The following DCK variants were observed in gnomAD, a reference collection of about 807,000 sequenced individuals.
The protein encoded by DCK is deoxycytidine kinase.
DCK carries 23 observed loss-of-function variants against 38.3 expected under a neutral mutation model. The ratio of observed to expected loss-of-function variants is 0.60; its 90% CI spans 0.43 to 0.85. The LOEUF (loss-of-function observed/expected upper bound fraction) is 0.85. DCK is among the 40% of genes least tolerant of loss of function. The pLI is 0.00. For missense variants in DCK, 259 were observed against 304.4 expected (o/e 0.85, Z 1.11); for synonymous variants, 108 against 100.6 (o/e 1.07, Z -0.44).
intron 3 of DCK, among the ~76,000 whole-genome samples, chr4:71,022,784 G>A (rs1236536480): frequency 1.3e-5 from 2 of 152,110 alleles, no homozygotes; most frequent in African/African-American, 2.4e-5. Flanking sequence ...TGGGAATATG[G>A]TGGTGCCCAT....
chr4:70,997,369 T>C (rs1248356670), intron 1 of DCK, among the ~76,000 whole-genome samples: 1 of 152,212 alleles, frequency 6.6e-6, no homozygotes, highest in Non-Finnish European at 1.5e-5. Flanking sequence ...GTTTTTACCA[T>C]GATTAAATCT....
chr4:71,022,503 A>G lies in DCK; in HGVS notation c.344A>G (p.Lys115Arg). 1 of 1,605,348 alleles carries G rather than the reference A, an allele frequency of 6.2e-7. No homozygotes were observed. ...IRAQLASLNGKLKDAEKPVLF... is the reference protein window; with the variant it reads ...IRAQLASLNGRLKDAEKPVLF... ...GCTCAGCTTGCCTCTCTGAATGGCA[A>G]GCTCAAAGATGCAGAGAAACCTGTA... The change falls in exon 3 of 7, where the codon AAG becomes AGG. Residue 115 changes from lysine to arginine, a missense_variant. Physicochemically the swap from Lys to Arg is conservative, Grantham distance 26 (BLOSUM62 2). This residue lies in a region of DCK where 159 missense variants were observed against 159.0 expected (regional missense o/e 1.00). Coordinates refer to ENST00000286648, the MANE Select transcript of DCK (RefSeq NM_000788.3).
At chr4:71,008,441 T>G (rs1271096670) in intron 2 of DCK, among the ~76,000 whole-genome samples, 1 of 152,250 alleles carries the variant, frequency 6.6e-6, no homozygotes, top group Non-Finnish European at 1.5e-5. Context: ...CTTGGGTCCT[T>G]TTGCCCATTT....
intron 1 of DCK, among the ~76,000 whole-genome samples, chr4:70,996,345 A>T: frequency 6.6e-6 from 1 of 152,232 alleles, no homozygotes; most frequent in East Asian, 1.9e-4. Flanking sequence ...CCTGGGCTAC[A>T]GAGTGAGACC....
intron 2 of DCK, among the ~76,000 whole-genome samples, chr4:71,014,736 C>G (rs571901509): frequency 3.3e-5 from 5 of 152,244 alleles, no homozygotes; most frequent in Admixed American, 2.6e-4. Flanking sequence ...AACAAAGACA[C>G]AACATACCAG....
chr4:71,020,533 G>T (rs1560687158), intron 2 of DCK, among the ~76,000 whole-genome samples: 1 of 152,144 alleles, frequency 6.6e-6, no homozygotes, highest in Non-Finnish European at 1.5e-5. Context: ...TATTGGCTGG[G>T]ATTCTTCAGG....
chr4:71,024,283 G>A (rs1740497459), intron 4 of DCK, among the ~76,000 whole-genome samples: 1 of 152,120 alleles, frequency 6.6e-6, no homozygotes, highest in Non-Finnish European at 1.5e-5. Context: ...TTTCCATTAA[G>A]GGAGCTCACT....
At position 70,998,053 on chromosome 4, in the gene DCK, T is replaced by G. The variant is rs925604511; in HGVS notation, c.92-14T>G. The G allele has an allele frequency of 7.9e-6, 11 of 1,391,574 alleles. No individual in the cohort carries two copies. The Admixed American group carries it at 1.4e-4, about 18-fold the overall frequency. 86.2% of individuals were successfully genotyped at this position (1,391,574 alleles called of 1,614,324 possible). On this transcript the variant is annotated splice_polypyrimidine_tract_variant and intron_variant, in intron 1 of 6. Transcript: ENST00000286648. ...ACAACTTTTCTTCCTCAATTTTATC[T>G]TTCCTCACAACAGCTGCAGGGAAGT...
At chr4:71,000,395 A>G (rs546092575) in intron 2 of DCK, among the ~76,000 whole-genome samples, 27 of 152,254 alleles carry the variant, frequency 1.8e-4, no homozygotes, top group African/African-American at 6.0e-4. Context: ...CTGTTTTGGT[A>G]CAATACCATG....
Position 71,015,889 on chromosome 4 carries a change from C to T in DCK, c.208-6478C>T, listed in dbSNP as rs1740249750. ...AACTGGCACAAGACACGGATGCCCT[C>T]TCTCACCACTCCTATTCAACATAGT... On this transcript the variant is annotated intron_variant, in intron 2 of 6. Coordinates refer to ENST00000286648, the MANE Select transcript of DCK (RefSeq NM_000788.3). 3.3e-5 allele frequency among the ~76,000 whole-genome samples: 5 copies of T among 152,324 alleles called. No individual in the cohort carries two copies. The South Asian group carries it at 1.0e-3, about 32-fold the overall frequency.
At chr4:70,998,620 T>A (rs1739713478) in intron 2 of DCK, among the ~76,000 whole-genome samples, 1 of 152,122 alleles carries the variant, frequency 6.6e-6, no homozygotes, top group Non-Finnish European at 1.5e-5. Context: ...GAGGGGTGAC[T>A]ATATGTTTAA....
chr4:71,025,431 T>C (rs1446287375), intron 4 of DCK, among the ~76,000 whole-genome samples: 1 of 152,110 alleles, frequency 6.6e-6, no homozygotes, highest in African/African-American at 2.4e-5. Context: ...TTATGTGAAC[T>C]GAACATAGAT....
Position 71,015,165 on chromosome 4 carries a change from AT to A in DCK, c.208-7201del, listed in dbSNP as rs1578425458. ...CACCTCTACAAACACCTCTACGCAA[AT>A]AAACTAGAAAATCTAGAAGAAATGG... is the stretch of plus-strand genomic sequence containing the variant. On this transcript the variant is annotated intron_variant, in intron 2 of 6. Coordinates refer to ENST00000286648, the MANE Select transcript of DCK (RefSeq NM_000788.3). Among the ~76,000 whole-genome samples, 6 of 152,284 alleles carry A rather than the reference AT, an allele frequency of 3.9e-5. No homozygotes were observed. In the East Asian group the frequency reaches 5.8e-4, roughly 15 times the overall value.
At chr4:71,024,286 A>G (rs781686100) in intron 4 of DCK, among the ~76,000 whole-genome samples, 2 of 152,128 alleles carry the variant, frequency 1.3e-5, no homozygotes, top group Non-Finnish European at 2.9e-5. Context: ...CCATTAAGGG[A>G]GCTCACTTGA....
At chr4:71,016,924 T>C (rs1740282520) in intron 2 of DCK, among the ~76,000 whole-genome samples, 2 of 152,276 alleles carry the variant, frequency 1.3e-5, no homozygotes, top group South Asian at 4.1e-4. Context: ...AAAGCCAACA[T>C]TGACAAATGG....
chr4:71,012,160 A>G (rs909682907), intron 2 of DCK, among the ~76,000 whole-genome samples: 1 of 152,080 alleles, frequency 6.6e-6, no homozygotes, highest in Non-Finnish European at 1.5e-5. Flanking sequence ...CCCACCCCCC[A>G]CAATATTTAT....
At chr4:71,022,048 T>A (rs1186320200) in intron 2 of DCK, among the ~76,000 whole-genome samples, 4 of 152,118 alleles carry the variant, frequency 2.6e-5, no homozygotes, top group Non-Finnish European at 1.5e-5. Context: ...TTATGTGAAA[T>A]TATTTAGCTT....
At chr4:70,995,539 A>G (rs1739641182) in intron 1 of DCK, among the ~76,000 whole-genome samples, 1 of 152,050 alleles carries the variant, frequency 6.6e-6, no homozygotes, top group Non-Finnish European at 1.5e-5. Flanking sequence ...TGATCACACT[A>G]CTGCACTCTA....
chr4:70,995,163 A>T (rs1739633455), intron 1 of DCK, among the ~76,000 whole-genome samples: 1 of 152,210 alleles, frequency 6.6e-6, no homozygotes, highest in South Asian at 2.1e-4. Flanking sequence ...GAAAGACCAT[A>T]TGATATAATT....
Sources: gnomAD v4.1 joint callset for allele counts (sites outside exome capture counted in the v4.1 genomes callset) on GRCh38, gnomAD v4.1.1 for gene constraint, gnomAD v4.1.1 regional missense constraint, MANE v1.5 for transcripts, NCBI Gene and HGNC (gene_info 2026-07-23, HGNC 2026-07-21) for gene names.